SUPT3H: variants seen among roughly 807,000 people sequenced by gnomAD.
SUPT3H encodes the protein SPT3 homolog, SAGA and STAGA complex component, also known as transcription initiation protein SPT3 homolog.
A neutral mutation model predicts 44.3 loss-of-function variants in SUPT3H; 44 were observed. That is an observed-to-expected ratio of 0.99 (90% CI 0.78 to 1.28). The LOEUF (loss-of-function observed/expected upper bound fraction) is 1.28, where lower values mean the gene tolerates loss of function less well. Among genes scored for constraint, SUPT3H ranks in the 50% most tolerant of loss-of-function variants. The pLI is 0.00. For missense variants in SUPT3H, 380 were observed against 387.1 expected (o/e 0.98, Z 0.15); for synonymous variants, 124 against 125.6 (o/e 0.99, Z 0.09).
chr6:45,010,569 T>C (rs1171259682), intron 5 of SUPT3H, among the ~76,000 whole-genome samples: 9 of 152,242 alleles, frequency 5.9e-5, no homozygotes, highest in Middle Eastern at 3.4e-3. Flanking sequence ...TTCTGGAGGT[T>C]GGGAAGTCTA....
chr6:45,125,119 T>G (rs1802242917), intron 2 of SUPT3H, among the ~76,000 whole-genome samples: 1 of 152,190 alleles, frequency 6.6e-6, no homozygotes, highest in Non-Finnish European at 1.5e-5. Context: ...CAACCTCAAC[T>G]ATGGGCAGTA....
At chr6:44,816,063 G>A (rs1766888752) in intron 11 of SUPT3H, among the ~76,000 whole-genome samples, 2 of 152,016 alleles carry the variant, frequency 1.3e-5, no homozygotes, top group South Asian at 4.1e-4. Flanking sequence ...TTTAGTAACA[G>A]GAAGATATCT....
rs755770013 is a variant in SUPT3H at position 45,003,720 on chromosome 6, T to C, written c.437A>G (p.Gln146Arg). Residue 146 changes from glutamine (Q) to arginine (R), a missense_variant, in exon 6 of 11, where the codon CAG becomes CGG. Physicochemically the swap from Gln to Arg is conservative, Grantham distance 43. Transcript: ENST00000371459. ...IAQDFLNSID[Q>R]TGELLAMFED... is the part of the protein sequence containing the mutation. ...AAACATTGCTAAAAGTTCTCCTGTC[T>C]GGTCAATAGAGTTGAGGAAGTCCTG... 10 of 1,613,918 alleles carry C rather than the reference T, an allele frequency of 6.2e-6. No individual in the cohort carries two copies. In the South Asian group the frequency reaches 9.9e-5, roughly 16 times the overall value.
intron 1 of SUPT3H, among the ~76,000 whole-genome samples, chr6:45,367,330 T>C (rs1795309123): frequency 6.6e-6 from 1 of 152,080 alleles, no homozygotes. Flanking sequence ...ATGAAGAACA[T>C]AATGCTAAGA....
intron 3 of SUPT3H, among the ~76,000 whole-genome samples, chr6:45,047,685 G>C (rs1273911466): frequency 6.6e-6 from 1 of 151,816 alleles, no homozygotes; most frequent in Non-Finnish European, 1.5e-5. Flanking sequence ...TTTCCATATG[G>C]CTGTACTAAT....
At chr6:44,890,452 C>T (rs1763093013) in intron 10 of SUPT3H, among the ~76,000 whole-genome samples, 2 of 152,066 alleles carry the variant, frequency 1.3e-5, no homozygotes, top group South Asian at 4.2e-4. Flanking sequence ...AGTTCATGTC[C>T]TTTGTAGGGA....
intron 2 of SUPT3H, among the ~76,000 whole-genome samples, chr6:45,206,924 T>C (rs1284963): frequency 0.029 from 4,477 of 152,254 alleles, 92 homozygotes; most frequent in Non-Finnish European, 0.047. Context: ...GGTATAGTAC[T>C]GATTTCAATA....
chr6:45,315,297 A>G (rs756647496), intron 2 of SUPT3H, among the ~76,000 whole-genome samples: 70 of 152,224 alleles, frequency 4.6e-4, no homozygotes, highest in Non-Finnish European at 8.1e-4. Flanking sequence ...TGACCTAATT[A>G]AAGAGCTTTT....
At chr6:45,041,074 A>G (rs1788462446) in intron 3 of SUPT3H, among the ~76,000 whole-genome samples, 1 of 152,168 alleles carries the variant, frequency 6.6e-6, no homozygotes, top group South Asian at 2.1e-4. Flanking sequence ...CTGAGTGCCC[A>G]CTACACACTA....
intron 2 of SUPT3H, among the ~76,000 whole-genome samples, chr6:45,250,621 G>GA (rs1772200392): frequency 6.6e-6 from 1 of 151,342 alleles, no homozygotes; most frequent in Non-Finnish European, 1.5e-5. Flanking sequence ...GGAAACAGGA[G>GA]AAAAAAATTA....
chr6:45,332,142 T>C (rs1787640009), intron 2 of SUPT3H, among the ~76,000 whole-genome samples: 1 of 151,944 alleles, frequency 6.6e-6, no homozygotes, highest in African/African-American at 2.4e-5. Flanking sequence ...CTTTCAATTT[T>C]ACACACTGGT....
chr6:45,292,116 G>A (rs1471194778), intron 2 of SUPT3H, among the ~76,000 whole-genome samples: 2 of 152,192 alleles, frequency 1.3e-5, no homozygotes, highest in Non-Finnish European at 2.9e-5. Context: ...CAAGCTAGGA[G>A]GGATTGGGGC....
At chr6:44,958,173 C>G (rs901437596) in intron 7 of SUPT3H, among the ~76,000 whole-genome samples, 1 of 152,206 alleles carries the variant, frequency 6.6e-6, no homozygotes, top group African/African-American at 2.4e-5. Flanking sequence ...CATTGTAATA[C>G]TACCTGGATT....
intron 2 of SUPT3H, among the ~76,000 whole-genome samples, chr6:45,188,131 G>A (rs755876744): frequency 4.1e-4 from 62 of 152,252 alleles, no homozygotes; most frequent in Non-Finnish European, 7.6e-4. Flanking sequence ...GCATCACAGC[G>A]GTTGTGTTTA....
chr6:44,988,558 CA>C (rs1465097442), intron 6 of SUPT3H, among the ~76,000 whole-genome samples: 1 of 130,172 alleles, frequency 7.7e-6, no homozygotes, highest in African/African-American at 2.9e-5. Flanking sequence ...TGGGCTACAC[CA>C]AAAGCAATAT....
intron 2 of SUPT3H, among the ~76,000 whole-genome samples, chr6:45,110,478 CATCT>C (rs1474664744): frequency 1.3e-5 from 2 of 151,946 alleles, no homozygotes; most frequent in Admixed American, 6.6e-5. Flanking sequence ...TTCAAATAGA[CATCT>C]ATTAAAATAT....
rs562920390 is a variant in SUPT3H, at chr6:45,277,858, T to C, written c.101+87343A>G. On this transcript the variant is annotated intron_variant, in intron 2 of 10. Coordinates refer to ENST00000371459, the MANE Select transcript of SUPT3H (RefSeq NM_003599.4). ...GCTGTTACTTTTTCAAACAACTAAA[T>C]GTTGATTTCATTTTAAATGTCATTT... Among the ~76,000 whole-genome samples the C allele has an allele frequency of 2.0e-5, 3 of 152,194 alleles. No individual in the cohort carries two copies. In the South Asian group the frequency reaches 6.2e-4, roughly 31 times the overall value.
chr6:44,862,529 T>C (rs997068409), intron 10 of SUPT3H, among the ~76,000 whole-genome samples: 1 of 151,692 alleles, frequency 6.6e-6, no homozygotes, highest in African/African-American at 2.4e-5. Flanking sequence ...ATACAAAAAT[T>C]AGCCGGGCGT....
chr6:45,039,504 C>A (rs1788182781), intron 3 of SUPT3H, among the ~76,000 whole-genome samples: 2 of 151,974 alleles, frequency 1.3e-5, no homozygotes, highest in African/African-American at 4.8e-5. Flanking sequence ...TAAAAAAATA[C>A]AACTCCTGGG....
Sources: gnomAD v4.1 joint callset for allele counts (sites outside exome capture counted in the v4.1 genomes callset) on GRCh38, gnomAD v4.1.1 for gene constraint, MANE v1.5 for transcripts, NCBI Gene and HGNC (gene_info 2026-07-23, HGNC 2026-07-21) for gene names.